Variants in USP54 observed in about 807,000 individuals in gnomAD.
USP54 encodes the protein ubiquitin specific peptidase 54.
A neutral mutation model predicts 170.5 loss-of-function variants in USP54; 87 were observed. That is an observed-to-expected ratio of 0.51 (90% CI 0.43 to 0.61). The LOEUF (loss-of-function observed/expected upper bound fraction) is 0.61. USP54 is among the 20% of genes least tolerant of loss of function. USP54 has a pLI of 0.00. For missense variants in USP54, 1,786 were observed against 2,047.8 expected, an observed-to-expected ratio of 0.87 and a Z score of 2.47; for synonymous variants, 655 against 742.8, an observed-to-expected ratio of 0.88 and a Z score of 1.92.
intron 20 of USP54, among the ~76,000 whole-genome samples, chr10:73,514,700 T>C (rs761407712): frequency 3.3e-5 from 5 of 152,054 alleles, no homozygotes; most frequent in Admixed American, 6.6e-5. Context: ...GTAAATGTTA[T>C]TGTAAAATCT....
chr10:73,530,656 T>C (rs779125239), intron 13 of USP54, 48 bp downstream of exon 13: 3 of 1,608,000 alleles, frequency 1.9e-6, no homozygotes, highest in Middle Eastern at 1.8e-4. Context: ...TGACAGAAGT[T>C]TGATAGAGTG....
intron 1 of USP54, among the ~76,000 whole-genome samples, chr10:73,608,564 T>C (rs1216679123): frequency 2.0e-5 from 3 of 152,168 alleles, no homozygotes; most frequent in Non-Finnish European, 2.9e-5. Context: ...GTTATTATTA[T>C]CCTAATCTCA....
At chr10:73,560,962 G>A (rs1216807870) in intron 4 of USP54, among the ~76,000 whole-genome samples, 4 of 150,740 alleles carry the variant, frequency 2.7e-5, no homozygotes, top group African/African-American at 4.9e-5. Flanking sequence ...AAAATTAGCC[G>A]GGCGTGGTGG....
chr10:73,521,141 T>C (rs2133320417), intron 17 of USP54, 114 bp from the exon 18 acceptor site: 2 of 1,380,490 alleles, frequency 1.4e-6, no homozygotes, highest in East Asian at 2.3e-5. Context: ...GGTCTACCCT[T>C]ATTCCAACTG....
At chr10:73,613,349 C>A (rs539792010) in intron 1 of USP54, among the ~76,000 whole-genome samples, 1 of 151,338 alleles carries the variant, frequency 6.6e-6, no homozygotes, top group Admixed American at 6.6e-5. Flanking sequence ...CCAGGCTGGT[C>A]TCGAACTCCG....
At chr10:73,602,814 C>G (rs1346343161) in intron 1 of USP54, among the ~76,000 whole-genome samples, 3 of 142,868 alleles carry the variant, frequency 2.1e-5, no homozygotes, top group Admixed American at 7.1e-5. Context: ...TGAGATCGCA[C>G]CACTGCACTC....
chr10:73,529,434 CT>C (rs906293308), intron 15 of USP54: 6 of 515,174 alleles, frequency 1.2e-5, no homozygotes, highest in South Asian at 4.1e-5. Context: ...CATATGCCCC[CT>C]GAACCTAATT....
At chr10:73,623,546 G>A (rs1223414451) in intron 1 of USP54, among the ~76,000 whole-genome samples, 1 of 152,166 alleles carries the variant, frequency 6.6e-6, no homozygotes, top group South Asian at 2.1e-4. Flanking sequence ...CTCTGTTCAG[G>A]AGACAGAGGT....
intron 1 of USP54, among the ~76,000 whole-genome samples, chr10:73,614,837 C>A (rs2080487586): frequency 6.7e-6 from 1 of 149,872 alleles, no homozygotes; most frequent in South Asian, 2.1e-4. Context: ...ATGGAGAGAG[C>A]CTACTTAAGC....
At chr10:73,583,685 C>T (rs2077148391) in intron 1 of USP54, among the ~76,000 whole-genome samples, 1 of 151,936 alleles carries the variant, frequency 6.6e-6, no homozygotes. Context: ...GAAATTCAAG[C>T]CTGTAGTGAG....
intron 11 of USP54, 87 bp downstream of exon 11, chr10:73,536,182 G>A (rs529190405): frequency 4.6e-6 from 7 of 1,526,642 alleles, no homozygotes; most frequent in African/African-American, 4.1e-5. Flanking sequence ...GCTAGGTTAC[G>A]AGCTAAGCAC....
In USP54 at chr10:73,516,551, G is replaced by A. The variant is rs138525330; in HGVS notation, c.3875C>T (p.Thr1292Met). ...ATTTCTCTCTGGATAGGTTACACAC[G>A]TATGGGAATCATGAGGGGAGGACTT... ...GMKSSPHDSH[T>M]CVTYPERNHI... The change falls in exon 20 of 24, where the codon ACG (threonine) becomes ATG (methionine). Residue 1292 changes from threonine (T) to methionine (M), a missense_variant. Coordinates refer to ENST00000687698, the MANE Select transcript of USP54 (RefSeq NM_001391956.1). 4.9e-5 allele frequency: 79 copies of A among 1,614,218 alleles called. No homozygotes were observed. Among genetic ancestry groups the A allele is most frequent in the Middle Eastern group, 1.6e-4 (1 of 6,062 alleles).
At chr10:73,548,355 T>C (rs1014034988) in intron 4 of USP54, among the ~76,000 whole-genome samples, 1 of 152,178 alleles carries the variant, frequency 6.6e-6, no homozygotes, top group African/African-American at 2.4e-5. Context: ...AGAAATACCA[T>C]TTGACCCAGC....
rs1293088468 is a variant in USP54, at chr10:73,530,446, T to C, written c.1525A>G (p.Lys509Glu). The change falls in exon 14 of 24, where the codon AAA (lysine) becomes GAA (glutamate). Residue 509 changes from lysine (K) to glutamate (E), a missense_variant. Physicochemically the swap from Lys to Glu is moderately conservative, Grantham distance 56. Coordinates refer to ENST00000687698, the MANE Select transcript of USP54 (RefSeq NM_001391956.1). ...SSSTNRLRDF[K>E]ETVSNMIHNR... ...TGGATCATATTGCTGACTGTCTCTT[T>C]AAAATCTCTCAGCCTGTTGGTGCTG... 3 of 1,614,118 alleles carry C rather than the reference T, an allele frequency of 1.9e-6. No individual in the cohort carries two copies. Among genetic ancestry groups the C allele is most frequent in the Non-Finnish European group, 2.5e-6 (3 of 1,180,036 alleles).
intron 22 of USP54, 97 bp from the exon 23 acceptor site, chr10:73,500,935 A>C: frequency 7.6e-7 from 1 of 1,321,628 alleles, no homozygotes; most frequent in East Asian, 2.8e-5. Flanking sequence ...AGGGAAATGG[A>C]GGGAACCAGA....
chr10:73,502,561 C>A (rs2058350090), intron 22 of USP54, among the ~76,000 whole-genome samples: 1 of 152,208 alleles, frequency 6.6e-6, no homozygotes, highest in Admixed American at 6.5e-5. Context: ...GATCTGCCCG[C>A]CTCAGCCTCC....
At chr10:73,524,409 G>T (rs1022179070) in intron 16 of USP54, among the ~76,000 whole-genome samples, 1 of 151,408 alleles carries the variant, frequency 6.6e-6, no homozygotes, top group African/African-American at 2.4e-5. Flanking sequence ...GTGAAACCCC[G>T]TCTCTACTAA....
Position 73,541,730 on chromosome 10 carries a change from G to A in USP54, c.581C>T (p.Ala194Val), listed in dbSNP as rs1273619151. The A allele has an allele frequency of 1.2e-6, 2 of 1,614,076 alleles. No homozygotes were observed. The highest frequency in any genetic ancestry group is 1.7e-5 in the Admixed American group (1 of 60,004). ...YISTTSLCNQ[A>V]ICMLERREKP... is the part of the protein sequence containing the mutation. ...CTCTCGTCTTTCCAGCATACAAATA[G>A]CCTGATTGCTTCAAGATGGGGAATA... Residue 194 changes from alanine (A) to valine (V), a missense_variant, in exon 8 of 24, where the codon GCT becomes GTT. By Grantham distance (64) the Ala-to-Val change is moderately conservative (BLOSUM62 0). Coordinates refer to ENST00000687698, the MANE Select transcript of USP54 (RefSeq NM_001391956.1).
intron 4 of USP54, among the ~76,000 whole-genome samples, chr10:73,550,700 T>G (rs946034639): frequency 4.0e-5 from 6 of 151,056 alleles, no homozygotes; most frequent in African/African-American, 9.7e-5. Context: ...TTAAAATCTG[T>G]TTTTTTTTAA....
Sources: gnomAD v4.1 joint callset for allele counts (sites outside exome capture counted in the v4.1 genomes callset) on GRCh38, gnomAD v4.1.1 for gene constraint, MANE v1.5 for transcripts, NCBI Gene and HGNC (gene_info 2026-07-23, HGNC 2026-07-21) for gene names.